FOXN4: variants seen among roughly 807,000 people sequenced by gnomAD.
The protein encoded by FOXN4 is forkhead box N4.
FOXN4 carries 12 observed loss-of-function variants against 45.0 expected under a neutral mutation model. The observed-to-expected ratio is 0.27, with a 90% CI of 0.17 to 0.43. FOXN4 has a LOEUF of 0.43. Ranked by LOEUF, FOXN4 falls within the 20% of genes least tolerant of loss-of-function variation. The pLI is 1.00. For missense variants in FOXN4, 560 were observed against 694.9 expected, an observed-to-expected ratio of 0.81 and a Z score of 2.18; for synonymous variants, 297 against 295.0, an observed-to-expected ratio of 1.01 and a Z score of -0.07.
At chr12:109,303,676 G>T (rs562888920) in intron 2 of FOXN4, among the ~76,000 whole-genome samples, 4 of 152,270 alleles carry the variant, frequency 2.6e-5, no homozygotes, top group Middle Eastern at 3.4e-3. Context: ...GAAGGTGAGG[G>T]TCCAAGAAGC....
intron 7 of FOXN4, 64 bp from the exon 8 acceptor site, chr12:109,285,575 C>T: frequency 6.5e-7 from 1 of 1,550,222 alleles, no homozygotes; most frequent in Non-Finnish European, 8.9e-7. Context: ...CCGGGGATCT[C>T]CTACTCAGGC....
chr12:109,302,780 T>C (rs2047879592), intron 2 of FOXN4, among the ~76,000 whole-genome samples: 1 of 152,174 alleles, frequency 6.6e-6, no homozygotes, highest in Admixed American at 6.5e-5. Context: ...TGTCCCGCCC[T>C]ACCTGCGCGG....
chr12:109,290,267 C>T lies in FOXN4; in HGVS notation c.106G>A (p.Asp36Asn), dbSNP rs1200048728. 4 of 1,549,990 alleles carry T rather than the reference C, an allele frequency of 2.6e-6. No homozygotes were observed. Among genetic ancestry groups the T allele is most frequent in the Non-Finnish European group, 3.5e-6 (4 of 1,146,250 alleles). ...QEYRLLATTS[D>N]DDLPGDLQSL... ...TGCAGGTCCCCGGGAAGGTCATCAT[C>T]GCTGGTGGTGGCTAGAAGCCTGCAA... The change falls in exon 3 of 10, where the codon GAT becomes AAT. Residue 36 changes from aspartate to asparagine, a missense_variant. Asp to Asn is a conservative substitution (Grantham distance 23). Around this residue, in one of 5 missense-constraint regions of FOXN4, gnomAD observed 142 missense variants for 185.7 expected, o/e 0.76. Coordinates refer to ENST00000299162, the MANE Select transcript of FOXN4 (RefSeq NM_213596.3). This position sits in a 1 kb window ranked among gnomAD's most constrained non-coding sequence, Gnocchi z 5.1.
chr12:109,307,894 G>A (rs551160843), intron 2 of FOXN4, among the ~76,000 whole-genome samples: 1 of 152,194 alleles, frequency 6.6e-6, no homozygotes, highest in South Asian at 2.1e-4. Flanking sequence ...AGGGGGTGGG[G>A]GAGCATTTCC....
chr12:109,283,771 C>T (rs567001940), intron 8 of FOXN4, among the ~76,000 whole-genome samples: 23 of 152,304 alleles, frequency 1.5e-4, no homozygotes, highest in South Asian at 4.1e-4. Context: ...CCACCGCACC[C>T]GGCCTAACAT....
rs879412647 is a variant in FOXN4 at position 109,283,723 on chromosome 12, G to T, written c.901+1581C>A. On this transcript the variant is annotated intron_variant, in intron 8 of 9. Transcript: ENST00000299162. ...ACTCCTGACCTCAGGTGATCCACCC[G>T]CCTTGGCCTCCCAAAGTGCTGGGAT... 2.0e-5 allele frequency among the ~76,000 whole-genome samples: 3 copies of T among 152,156 alleles called. No homozygotes were observed. In the South Asian group the frequency reaches 6.2e-4, roughly 32 times the overall value.
chr12:109,286,326 A>G (rs1432585858), intron 7 of FOXN4, among the ~76,000 whole-genome samples: 2 of 152,224 alleles, frequency 1.3e-5, no homozygotes, highest in Non-Finnish European at 2.9e-5. Flanking sequence ...ACTGAGGCTC[A>G]GAGGTGAAGG....
chr12:109,287,903 G>A lies in FOXN4; in HGVS notation c.409C>T (p.Pro137Ser), dbSNP rs1322617957. The A allele has an allele frequency of 1.9e-6, 3 of 1,550,174 alleles. No individual in the cohort carries two copies. The highest frequency in any genetic ancestry group is 2.4e-5 in the South Asian group (2 of 84,020). Residue 137 changes from proline (P) to serine (S), a missense_variant, in exon 5 of 10, where the codon CCG (proline) becomes TCG (serine). By Grantham distance (74) the Pro-to-Ser change is moderately conservative. Transcript: ENST00000299162. The surrounding 1 kb of genome is among the most constrained non-coding windows in gnomAD (Gnocchi z 4.1). ...TGGGTGGCAGGTGAGTACAGATGCG[G>A]CGGGTCCTGCAGGCCAGATGAGGGC... ...GQPSSGLQDP[P>S]HLYSPATQPQ...
chr12:109,290,203 A>G lies in FOXN4; in HGVS notation c.170T>C (p.Leu57Pro), dbSNP rs2047754073. ...CACGCGGCCACTTGCCATCTGCTGC[A>G]GCCGAGGCACATCCACCGCCGTGAG... ...SWLTAVDVPRLQQMASGRVDL... is the reference protein window; with the variant it reads ...SWLTAVDVPRPQQMASGRVDL... The change falls in exon 3 of 10, where the codon CTG becomes CCG. Residue 57 changes from leucine to proline, a missense_variant. This residue lies in a region of FOXN4 where 142 missense variants were observed against 185.7 expected (regional missense o/e 0.76). Coordinates refer to ENST00000299162, the MANE Select transcript of FOXN4 (RefSeq NM_213596.3). This position sits in a 1 kb window ranked among gnomAD's most constrained non-coding sequence, Gnocchi z 5.1. 4 of 1,551,422 alleles carry G rather than the reference A, an allele frequency of 2.6e-6. No homozygotes were observed. The Admixed American group carries it at 7.8e-5, about 30-fold the overall frequency.
Position 109,308,217 on chromosome 12 carries a change from T to C in FOXN4, c.86+19A>G. 1 of 1,530,888 alleles carries C rather than the reference T, an allele frequency of 6.5e-7. No individual in the cohort carries two copies. The highest frequency in any genetic ancestry group is 8.8e-7 in the Non-Finnish European group (1 of 1,133,692). 94.8% of individuals were successfully genotyped at this position (1,530,888 alleles called of 1,614,324 possible). On this transcript the variant is annotated intron_variant, in intron 2 of 9. Coordinates refer to ENST00000299162, the MANE Select transcript of FOXN4 (RefSeq NM_213596.3). Reference sequence around the variant, plus strand: ...GAGCAATTAAAAAATATATAGTTTGTTATTGTTGGAGCCCTCACCTGTATT... The same window carrying C: ...GAGCAATTAAAAAATATATAGTTTGCTATTGTTGGAGCCCTCACCTGTATT...
intron 2 of FOXN4, among the ~76,000 whole-genome samples, chr12:109,304,282 AGAAAGAAAGAAAG>A (rs1362777979): frequency 0.12 from 8,792 of 73,156 alleles, 851 homozygotes; most frequent in African/African-American, 0.18. Flanking sequence ...AAAGAAAGAA[AGAAAGAAAGAAAG>A]GAGAAAGAAA....
intron 8 of FOXN4, among the ~76,000 whole-genome samples, chr12:109,283,766 G>A (rs12818555): frequency 0.17 from 25,265 of 152,128 alleles, 2,241 homozygotes; most frequent in Middle Eastern, 0.22. Flanking sequence ...ATGAGCCACC[G>A]CACCCGGCCT....
chr12:109,287,475 TA>T lies in FOXN4; in HGVS notation c.517del (p.Tyr173ThrfsTer29). ...YGPPFGVRPP[Y>X]PQPHVAVHSS... is the part of the protein sequence containing the mutation. ...ATGCACAGCCACGTGGGGCTGGGGG[TA>T]GGGGGGCCGCACCCCAAATGGGGGG... On this transcript the variant is annotated frameshift_variant, in exon 6 of 10. Coordinates refer to ENST00000299162, the MANE Select transcript of FOXN4 (RefSeq NM_213596.3). LOFTEE classifies it high-confidence loss of function. This position sits in a 1 kb window ranked among gnomAD's most constrained non-coding sequence, Gnocchi z 4.1. 1 of 1,549,882 alleles carries T rather than the reference TA, an allele frequency of 6.5e-7. No individual in the cohort carries two copies. The highest frequency in any genetic ancestry group is 8.7e-7 in the Non-Finnish European group (1 of 1,146,176).
intron 8 of FOXN4, among the ~76,000 whole-genome samples, chr12:109,283,739 G>C (rs1007951346): frequency 6.6e-6 from 1 of 152,176 alleles, no homozygotes; most frequent in Non-Finnish European, 1.5e-5. Context: ...GCCTCCCAAA[G>C]TGCTGGGATT....
At chr12:109,293,843 G>A (rs747065952) in intron 2 of FOXN4, among the ~76,000 whole-genome samples, 14 of 152,274 alleles carry the variant, frequency 9.2e-5, no homozygotes, top group Middle Eastern at 3.4e-3. Flanking sequence ...TGACAGTGAC[G>A]GTCACATCTA....
intron 2 of FOXN4, among the ~76,000 whole-genome samples, chr12:109,295,820 C>T (rs1247798274): frequency 7.2e-5 from 11 of 152,114 alleles, no homozygotes; most frequent in Non-Finnish European, 1.5e-4. Flanking sequence ...CTTCCACCCG[C>T]TTCCTCCACT....
chr12:109,282,890 G>A (rs1395205723), intron 8 of FOXN4, among the ~76,000 whole-genome samples: 4 of 151,676 alleles, frequency 2.6e-5, no homozygotes, highest in East Asian at 1.9e-4. Context: ...ACTTCACTCC[G>A]AATATGTGTC....
rs774668643 is a variant in FOXN4, at chr12:109,279,711, T to C, written c.1514A>G (p.Tyr505Cys). ...AASGTSSSSQ[Y>C]LGAQGNKPIA... Reference sequence around the variant, plus strand: ...AGGCTTGTTCCCCTGTGCACCCAGGTACTGGGAGGAGGAGCTGGTGCCCGA... The same window carrying C: ...AGGCTTGTTCCCCTGTGCACCCAGGCACTGGGAGGAGGAGCTGGTGCCCGA... Residue 505 changes from tyrosine (Y) to cysteine (C), a missense_variant, in exon 10 of 10, where the codon TAC (tyrosine) becomes TGC (cysteine). Coordinates refer to ENST00000299162, the MANE Select transcript of FOXN4 (RefSeq NM_213596.3). The C allele has an allele frequency of 6.4e-7, 1 of 1,573,486 alleles. No individual in the cohort carries two copies. The highest frequency in any genetic ancestry group is 1.2e-5 in the South Asian group (1 of 85,512).
rs1322540775 is a variant in FOXN4 at position 109,290,788 on chromosome 12, T to C, written c.87-502A>G. Among the ~76,000 whole-genome samples the C allele has an allele frequency of 6.6e-6, 1 of 152,194 alleles. No individual in the cohort carries two copies. The highest frequency in any genetic ancestry group is 1.5e-5 in the Non-Finnish European group (1 of 68,024). ...TGTCCAGGGCAGTTTCCTGCTGTAC[T>C]GTAGCTGTGAGGAACATGGAACTTG... On this transcript the variant is annotated intron_variant, in intron 2 of 9. Transcript: ENST00000299162. This position sits in a 1 kb window ranked among gnomAD's most constrained non-coding sequence, Gnocchi z 5.1.
Sources: gnomAD v4.1 joint callset for allele counts (sites outside exome capture counted in the v4.1 genomes callset) on GRCh38, gnomAD v4.1.1 for gene constraint, gnomAD v4.1.1 regional missense constraint, Gnocchi (gnomAD v3.1) non-coding constraint, MANE v1.5 for transcripts, NCBI Gene and HGNC (gene_info 2026-07-23, HGNC 2026-07-21) for gene names.